GET1: variants seen among roughly 807,000 people sequenced by gnomAD.
GET1 encodes the protein congenital heart disease 5 protein.
GET1 carries 20 observed loss-of-function variants against 22.6 expected under a neutral mutation model. That is an observed-to-expected ratio of 0.89 (90% CI 0.62 to 1.29). The LOEUF (loss-of-function observed/expected upper bound fraction) is 1.29, where lower values mean the gene tolerates loss of function less well. GET1 is among the 50% of genes most tolerant of loss of function. GET1 has a pLI of 0.00. For missense variants in GET1, 209 were observed against 219.9 expected (o/e 0.95, Z 0.31); for synonymous variants, 92 against 83.8 (o/e 1.10, Z -0.53).
chr21:39,392,586 A>AG (rs1428593587), intron 3 of GET1, among the ~76,000 whole-genome samples: 3 of 152,208 alleles, frequency 2.0e-5, no homozygotes, highest in Admixed American at 2.0e-4. Context: ...TGTTCAAGCC[A>AG]GGAAGGGGAC....
chr21:39,423,303 T>C, intron 1 of GET1: 1 of 1,609,632 alleles, frequency 6.2e-7, no homozygotes, highest in Non-Finnish European at 8.5e-7. Context: ...ATTGGTTTTC[T>C]GTAAGGATGG....
downstream of GET1, chr21:39,410,816 G>A (rs913331206): frequency 2.1e-6 from 1 of 470,846 alleles, no homozygotes; most frequent in Non-Finnish European, 4.4e-6. Context: ...ACAACCCCTC[G>A]GTTGATTCAT....
chr21:39,391,993 C>CGTT, intron 3 of GET1, 157 bp downstream of exon 3: 1 of 636,964 alleles, frequency 1.6e-6, no homozygotes, highest in Non-Finnish European at 2.7e-6. Flanking sequence ...CTCTCGGTCT[C>CGTT]TAAGTCAGAC....
At chr21:39,380,749 C>G in intron 1 of GET1, 1 of 1,194,164 alleles carries the variant, frequency 8.4e-7, no homozygotes, top group Non-Finnish European at 1.0e-6. Flanking sequence ...GGCGGCGAAC[C>G]TCACACTGGG....
Position 39,406,154 on chromosome 21 carries a change from A to G in GET1, c.*170A>G, listed in dbSNP as rs763575970. On this transcript the variant is annotated 3_prime_UTR_variant, in exon 5 of 5. Coordinates refer to the GET1 transcript ENST00000415847. Reference sequence around the variant, plus strand: ...GTATCCTTCACTTTTATTCTGGAAGACTTACCAAATGAGGGCTCATACCCA... The same window carrying G: ...GTATCCTTCACTTTTATTCTGGAAGGCTTACCAAATGAGGGCTCATACCCA... 12 of 1,614,224 alleles carry G rather than the reference A, an allele frequency of 7.4e-6. No homozygotes were observed. The East Asian group carries it at 8.9e-5, about 12-fold the overall frequency.
intron 4 of GET1, chr21:39,405,831 C>A: frequency 7.5e-7 from 1 of 1,337,600 alleles, no homozygotes; most frequent in Admixed American, 2.4e-5. Context: ...AGATGCAAGG[C>A]ACATAAGCAG....
chr21:39,380,703 A>G, intron 1 of GET1: 2 of 1,364,500 alleles, frequency 1.5e-6, no homozygotes, highest in Non-Finnish European at 1.9e-6. Flanking sequence ...TGGGAGAAAC[A>G]CCGGGCAACC....
At chr21:39,405,366 A>G (rs1212609314) in intron 4 of GET1, among the ~76,000 whole-genome samples, 1 of 148,480 alleles carries the variant, frequency 6.7e-6, no homozygotes, top group East Asian at 2.1e-4. Flanking sequence ...GCTAATTCTT[A>G]TAATTTTTGT....
At chr21:39,410,038 T>G, downstream of GET1, 2 of 1,610,490 alleles carry the variant, frequency 1.2e-6, no homozygotes, top group Non-Finnish European at 1.7e-6. Context: ...GTGAGGAATT[T>G]CATGATTTAT....
At chr21:39,419,977 G>A (rs1190262006) in intron 1 of GET1, among the ~76,000 whole-genome samples, 1 of 152,092 alleles carries the variant, frequency 6.6e-6, no homozygotes, top group Non-Finnish European at 1.5e-5. Flanking sequence ...AAATTTATGA[G>A]TCATTAAAAT....
At chr21:39,417,883 A>G (rs959207451) in intron 1 of GET1, among the ~76,000 whole-genome samples, 3 of 152,072 alleles carry the variant, frequency 2.0e-5, no homozygotes, top group Non-Finnish European at 2.9e-5. Flanking sequence ...CTCCTGCCTC[A>G]GCCTCCCAAG....
intron 4 of GET1, among the ~76,000 whole-genome samples, chr21:39,403,912 C>T (rs2038915242): frequency 6.6e-6 from 1 of 152,068 alleles, no homozygotes; most frequent in African/African-American, 2.4e-5. Context: ...TGAGCCACTG[C>T]GCCCGGCTCT....
intron 1 of GET1, among the ~76,000 whole-genome samples, chr21:39,387,206 A>G (rs2037964282): frequency 6.6e-6 from 1 of 152,066 alleles, no homozygotes; most frequent in East Asian, 1.9e-4. Context: ...TTTTTCAAGC[A>G]CCAGTTGTTT....
downstream of GET1, among the ~76,000 whole-genome samples, chr21:39,401,203 C>T (rs1364029713): frequency 6.6e-6 from 1 of 152,092 alleles, no homozygotes; most frequent in Non-Finnish European, 1.5e-5. Flanking sequence ...GTGTGTACCA[C>T]AACTTTGGAC....
chr21:39,391,488 C>G, intron 2 of GET1: 2 of 370,976 alleles, frequency 5.4e-6, no homozygotes, highest in Non-Finnish European at 4.9e-6. Context: ...TAAGTGGTAA[C>G]TGTATTATAC....
At chr21:39,411,183 C>G, downstream of GET1, 1 of 258,626 alleles carries the variant, frequency 3.9e-6, no homozygotes, top group South Asian at 4.1e-5. Flanking sequence ...CTATTGTGAC[C>G]AAAGGAAAGT....
chr21:39,406,655 T>G, downstream of GET1: 1 of 1,435,986 alleles, frequency 7.0e-7, no homozygotes, highest in East Asian at 2.3e-5. Flanking sequence ...TTAAAATGAA[T>G]GGATCTCTAT....
At chr21:39,385,728 G>C (rs768971930) in intron 1 of GET1, among the ~76,000 whole-genome samples, 2 of 151,306 alleles carry the variant, frequency 1.3e-5, no homozygotes, top group Non-Finnish European at 2.9e-5. Context: ...CTCAAGGTCC[G>C]TGCAAACTGC....
In GET1 at chr21:39,391,843, G is replaced by A. The variant is rs779119618; in HGVS notation, c.336+7G>A. 6.2e-6 allele frequency: 10 copies of A among 1,613,964 alleles called. No homozygotes were observed. Among genetic ancestry groups the A allele is most frequent in the Middle Eastern group, 3.3e-4 (2 of 6,080 alleles). ...CGCTTTCTACGTATTGCAGGTAAGT[G>A]TGCTAGAGCGTCAGCCGGGTCATTG... is the stretch of plus-strand genomic sequence containing the variant. On this transcript the variant is annotated splice_region_variant and intron_variant, in intron 3 of 4. Coordinates refer to ENST00000649170, the MANE Select transcript of GET1 (RefSeq NM_004627.6).
Sources: allele counts gnomAD v4.1 joint callset (sites outside exome capture counted in the v4.1 genomes callset), GRCh38; gene constraint gnomAD v4.1.1; transcripts MANE v1.5; gene names NCBI Gene and HGNC (gene_info 2026-07-23, HGNC 2026-07-21).